The following ENPEP variants were observed in gnomAD, a reference collection of about 807,000 sequenced individuals.
The protein encoded by ENPEP is AP-A.
Under a neutral mutation model 114.5 loss-of-function variants are expected in ENPEP, and 103 were observed. The observed-to-expected ratio is 0.90, with a 90% CI of 0.77 to 1.06. ENPEP has a LOEUF of 1.06. Among genes scored for constraint, ENPEP ranks in the 50% least tolerant of loss-of-function variants. The pLI, the probability that ENPEP is intolerant of heterozygous loss-of-function variation, is 0.00. For synonymous variants in ENPEP, 420 were observed against 422.0 expected, an observed-to-expected ratio of 1.00 and a Z score of 0.06; for missense variants, 1,196 against 1,161.3, an observed-to-expected ratio of 1.03 and a Z score of -0.43.
chr4:110,532,880 C>T (rs928083304), intron 11 of ENPEP, among the ~76,000 whole-genome samples: 3 of 152,024 alleles, frequency 2.0e-5, no homozygotes, highest in Non-Finnish European at 4.4e-5. Flanking sequence ...ATGCGAGGCT[C>T]TATCTTTTGT....
chr4:110,490,270 C>A, intron 2 of ENPEP, among the ~76,000 whole-genome samples: 1 of 152,154 alleles, frequency 6.6e-6, no homozygotes, highest in Middle Eastern at 3.2e-3. Flanking sequence ...AGCCCCACCA[C>A]GATTATACAA....
Position 110,515,242 on chromosome 4 carries a change from A to G in ENPEP, c.1444-135A>G, listed in dbSNP as rs528947815. On this transcript the variant is annotated intron_variant, in intron 7 of 19. Transcript: ENST00000265162. ...TTTCATCCTAAAATCATAGAGCCAT[A>G]TAATTTAGCAGAATCATCTTGAGGA... 7.0e-5 allele frequency: 49 copies of G among 703,136 alleles called. No individual in the cohort carries two copies. In the South Asian group the frequency reaches 8.7e-4, roughly 13 times the overall value. 43.6% of individuals were successfully genotyped at this position (703,136 alleles called of 1,614,324 possible).
chr4:110,561,388 C>A lies in ENPEP; in HGVS notation c.2722-18C>A, dbSNP rs1173483115. The stretch of plus-strand genomic sequence containing the variant: ...TGGCTATAAATGACAATCCTAATTA[C>A]TCCCCTCTCTTTTCTAGATGGAGAG... On this transcript the variant is annotated intron_variant, in intron 19 of 19. Transcript: ENST00000265162. 6.2e-7 allele frequency: 1 copy of A among 1,611,414 alleles called. No homozygotes were observed. The highest frequency in any genetic ancestry group is 2.2e-5 in the East Asian group (1 of 44,838).
chr4:110,558,032 A>ATT lies in ENPEP; in HGVS notation c.2643-1601_2643-1600dup, dbSNP rs201439917. ...GGCTTCTAATTTTGTATATGGTAGG[A>ATT]TTTTTTTTTTTTTTTGTATAAAACT... is the stretch of plus-strand genomic sequence containing the variant. On this transcript the variant is annotated intron_variant, in intron 18 of 19. Coordinates refer to ENST00000265162, the MANE Select transcript of ENPEP (RefSeq NM_001977.4). 7.8e-3 allele frequency among the ~76,000 whole-genome samples: 806 copies of ATT among 103,200 alleles called. 13 individuals carry two copies. The highest frequency in any genetic ancestry group is 0.018 in the African/African-American group (407 of 23,218). 67.7% of individuals were successfully genotyped at this position (103,200 alleles called of 152,430 possible). A position where few individuals can be genotyped will look rare whatever the true frequency, so the allele number is the denominator to read the frequency against.
intron 3 of ENPEP, among the ~76,000 whole-genome samples, chr4:110,504,911 A>G (rs962617340): frequency 3.9e-5 from 6 of 152,190 alleles, no homozygotes; most frequent in Admixed American, 2.0e-4. Flanking sequence ...TTCTTTTACA[A>G]TTCTCTTTCG....
rs548956843 is a variant in ENPEP at position 110,488,442 on chromosome 4, T to C, written c.645-99T>C. 4.4e-6 allele frequency: 6 copies of C among 1,372,230 alleles called. No individual in the cohort carries two copies. In the Admixed American group the frequency reaches 9.8e-5, roughly 23 times the overall value. 85.0% of individuals were successfully genotyped at this position (1,372,230 alleles called of 1,614,324 possible). A position where few individuals can be genotyped will look rare whatever the true frequency, so the allele number is the denominator to read the frequency against. ...CTCATTTTTAGAAATGTAATAGTTATAATTGCATAGCTGATTTTTTTTTCC... is the reference window on the plus strand; with the variant it reads ...CTCATTTTTAGAAATGTAATAGTTACAATTGCATAGCTGATTTTTTTTTCC... On this transcript the variant is annotated intron_variant, in intron 1 of 19. Coordinates refer to ENST00000265162, the MANE Select transcript of ENPEP (RefSeq NM_001977.4).
chr4:110,534,589 C>T (rs1286314603), intron 11 of ENPEP, among the ~76,000 whole-genome samples: 1 of 140,806 alleles, frequency 7.1e-6, no homozygotes, highest in Non-Finnish European at 1.5e-5. Flanking sequence ...CTCATTGCAA[C>T]GTCCGCCCCC....
rs567632611 is a variant in ENPEP at position 110,515,453 on chromosome 4, T to C, written c.1509+11T>C. On this transcript the variant is annotated intron_variant, in intron 8 of 19. Coordinates refer to ENST00000265162, the MANE Select transcript of ENPEP (RefSeq NM_001977.4). Reference sequence around the variant, plus strand: ...CAAAAAGGATGTCAGGTATGATTTATTACTTTTAGTGATATCAAAATTAAA... The same window carrying C: ...CAAAAAGGATGTCAGGTATGATTTACTACTTTTAGTGATATCAAAATTAAA... The C allele has an allele frequency of 6.3e-7, 1 of 1,581,174 alleles. No individual in the cohort carries two copies. Among genetic ancestry groups the C allele is most frequent in the South Asian group, 1.2e-5 (1 of 86,306 alleles).
intron 3 of ENPEP, among the ~76,000 whole-genome samples, chr4:110,493,415 T>C (rs981858132): frequency 1.3e-5 from 2 of 152,206 alleles, no homozygotes; most frequent in Non-Finnish European, 2.9e-5. Flanking sequence ...TACATTACTG[T>C]CCAATCATCT....
At position 110,549,652 on chromosome 4, in the gene ENPEP, T is replaced by G; in HGVS notation, c.2330+20T>G. ...TGTAAGGTGATTACTCACATTGTTA[T>G]GCTTAGAAGACACATTTGAGAAAAG... On this transcript the variant is annotated intron_variant, in intron 16 of 19. Coordinates refer to ENST00000265162, the MANE Select transcript of ENPEP (RefSeq NM_001977.4). 2 of 1,613,264 alleles carry G rather than the reference T, an allele frequency of 1.2e-6. No homozygotes were observed. The highest frequency in any genetic ancestry group is 1.7e-5 in the Admixed American group (1 of 59,868).
chr4:110,548,153 T>C (rs777605969), intron 13 of ENPEP, 23 bp from the exon 14 acceptor site: 2 of 1,196,194 alleles, frequency 1.7e-6, no homozygotes, highest in Admixed American at 4.5e-5. Context: ...TTTTTTTTTT[T>C]TTTTTTTTTT....
At chr4:110,545,999 G>T (rs1727040264) in intron 13 of ENPEP, among the ~76,000 whole-genome samples, 1 of 152,000 alleles carries the variant, frequency 6.6e-6, no homozygotes, top group South Asian at 2.1e-4. Flanking sequence ...CTCTTCAAGT[G>T]GTCCCACTGA....
intron 10 of ENPEP, among the ~76,000 whole-genome samples, chr4:110,524,433 G>A (rs1726119945): frequency 6.6e-6 from 1 of 152,128 alleles, no homozygotes; most frequent in African/African-American, 2.4e-5. Flanking sequence ...TCACTTACAA[G>A]AAACTTATAA....
chr4:110,523,957 A>G (rs1443216263), intron 10 of ENPEP, among the ~76,000 whole-genome samples: 1 of 152,186 alleles, frequency 6.6e-6, no homozygotes, highest in African/African-American at 2.4e-5. Context: ...ACTCCAGTGG[A>G]TATCCTCATT....
At chr4:110,540,317 A>G (rs1726804083) in intron 11 of ENPEP, among the ~76,000 whole-genome samples, 2 of 152,178 alleles carry the variant, frequency 1.3e-5, no homozygotes, top group South Asian at 4.1e-4. Flanking sequence ...ACAACAGGTA[A>G]AAAACATGTT....
intron 4 of ENPEP, among the ~76,000 whole-genome samples, chr4:110,509,286 C>G (rs1725486868): frequency 6.6e-6 from 1 of 152,190 alleles, no homozygotes; most frequent in Admixed American, 6.5e-5. Flanking sequence ...CTTGGAAGCT[C>G]AGAACTTCTA....
chr4:110,496,128 CTG>C (rs1455472191), intron 3 of ENPEP, among the ~76,000 whole-genome samples: 5 of 152,152 alleles, frequency 3.3e-5, no homozygotes, highest in African/African-American at 1.2e-4. Flanking sequence ...TTCCTACTGT[CTG>C]TGTCTTCTTA....
chr4:110,500,020 TG>T (rs1488095837), intron 3 of ENPEP: 1 of 152,198 alleles, frequency 6.6e-6, no homozygotes, highest in East Asian at 1.9e-4. Flanking sequence ...TGCTTGGTTT[TG>T]GTTGCAGGGA....
Position 110,491,200 on chromosome 4 carries a change from T to G in ENPEP, c.918+36T>G, listed in dbSNP as rs1464768367. ...TTATATTTTAAAAATTTACCACCTATGCATTTGTAATTAATTATCTACCTT... is the reference window on the plus strand; with the variant it reads ...TTATATTTTAAAAATTTACCACCTAGGCATTTGTAATTAATTATCTACCTT... On this transcript the variant is annotated intron_variant, in intron 3 of 19. Coordinates refer to ENST00000265162, the MANE Select transcript of ENPEP (RefSeq NM_001977.4). 1.9e-6 allele frequency: 3 copies of G among 1,546,884 alleles called. No individual in the cohort carries two copies. The Admixed American group carries it at 6.7e-5, about 35-fold the overall frequency.
Sources: gnomAD v4.1 joint callset for allele counts (sites outside exome capture counted in the v4.1 genomes callset) on GRCh38, gnomAD v4.1.1 for gene constraint, MANE v1.5 for transcripts, NCBI Gene and HGNC (gene_info 2026-07-23, HGNC 2026-07-21) for gene names.